SGSM1: variants seen among roughly 807,000 people sequenced by gnomAD.
SGSM1 encodes small G protein signaling modulator 1, also known as RUN and TBC1 domain containing 2.
A neutral mutation model predicts 133.8 loss-of-function variants in SGSM1; 73 were observed. That is an observed-to-expected ratio of 0.55 (90% CI 0.45 to 0.66). SGSM1 has a LOEUF of 0.66. Among genes scored for constraint, SGSM1 ranks in the 30% least tolerant of loss-of-function variants. The probability of loss-of-function intolerance (pLI) is 0.00; values close to 1 mark genes in which losing one functional copy is unlikely to be tolerated. For missense variants in SGSM1, 1,213 were observed against 1,448.1 expected (o/e 0.84, Z 2.64); for synonymous variants, 563 against 573.0 (o/e 0.98, Z 0.25).
At chr22:24,852,742 C>T (rs757636245) in intron 5 of SGSM1, among the ~76,000 whole-genome samples, 7 of 152,104 alleles carry the variant, frequency 4.6e-5, no homozygotes, top group Non-Finnish European at 8.8e-5. Context: ...TGTGCCTGGT[C>T]GTTTTTTATT....
intron 22 of SGSM1, among the ~76,000 whole-genome samples, chr22:24,913,380 C>A (rs1278504143): frequency 6.6e-6 from 1 of 152,004 alleles, no homozygotes; most frequent in Non-Finnish European, 1.5e-5. Flanking sequence ...GAGTTGGGCC[C>A]AGGAGTCTGT....
chr22:24,816,413 C>CTTTT (rs1479240071), intron 2 of SGSM1, among the ~76,000 whole-genome samples: 2 of 116,464 alleles, frequency 1.7e-5, no homozygotes, highest in Non-Finnish European at 3.7e-5. Flanking sequence ...TCTTTTTTTT[C>CTTTT]TTTCTTTTTT....
rs183832332 is a variant in SGSM1, at chr22:24,839,125, G to A, written c.64-5772G>A. ...AGCTGGAGTGCAGTAGTGTGATCAT[G>A]GCTCACTGCAGCCTCAACCTCCTGG... On this transcript the variant is annotated intron_variant, in intron 2 of 24. Transcript: ENST00000400358. Among the ~76,000 whole-genome samples, 461 of 152,218 alleles carry A rather than the reference G, an allele frequency of 3.0e-3. 12 individuals are homozygous for A. The highest frequency in any genetic ancestry group is 0.028 in the Admixed American group (434 of 15,270).
At chr22:24,897,284 G>A (rs952670949) in intron 18 of SGSM1, among the ~76,000 whole-genome samples, 2 of 152,074 alleles carry the variant, frequency 1.3e-5, no homozygotes, top group East Asian at 1.9e-4. Context: ...GGAGGCTGAG[G>A]CAGGAGAATC....
intron 2 of SGSM1, among the ~76,000 whole-genome samples, chr22:24,812,475 A>G (rs1927810317): frequency 6.6e-6 from 1 of 152,132 alleles, no homozygotes; most frequent in South Asian, 2.1e-4. Context: ...CTTGGCTTAC[A>G]GTGGGCAGTG....
chr22:24,895,312 C>G (rs760275380), intron 18 of SGSM1, 21 bp downstream of exon 18: 1 of 1,601,786 alleles, frequency 6.2e-7, no homozygotes, highest in East Asian at 2.3e-5. Flanking sequence ...GGAGGCCTCG[C>G]CCCCTCCCAC....
At chr22:24,918,610 C>A (rs2123746954) in intron 23 of SGSM1, among the ~76,000 whole-genome samples, 1 of 152,226 alleles carries the variant, frequency 6.6e-6, no homozygotes, top group Middle Eastern at 3.4e-3. Flanking sequence ...AGCCCACTTA[C>A]AGATGAGGAA....
At position 24,867,070 on chromosome 22, in the gene SGSM1, C is replaced by T. The variant is rs201600391; in HGVS notation, c.927-23C>T. ...GTGGGGTAGGCAGAAGTCCTGCAAG[C>T]CTGACCCTCCGTCCGCTTCCAGCGT... On this transcript the variant is annotated intron_variant, in intron 9 of 24. Transcript: ENST00000400358. The T allele has an allele frequency of 4.3e-6, 7 of 1,611,624 alleles. No individual in the cohort carries two copies. In the East Asian group the frequency reaches 1.1e-4, roughly 26 times the overall value.
intron 22 of SGSM1, 40 bp from the exon 23 acceptor site, chr22:24,917,618 T>C: frequency 1.3e-6 from 2 of 1,526,406 alleles, no homozygotes; most frequent in Non-Finnish European, 1.8e-6. Context: ...TGCTCCAACC[T>C]TTTCCCAGGA....
intron 14 of SGSM1, among the ~76,000 whole-genome samples, chr22:24,882,738 A>G (rs950611047): frequency 2.0e-5 from 3 of 152,100 alleles, no homozygotes; most frequent in African/African-American, 7.2e-5. Flanking sequence ...TTTAGATCCC[A>G]TTATAAGTAA....
At chr22:24,855,992 C>G (rs1476346413) in intron 8 of SGSM1, 2 of 520,084 alleles carry the variant, frequency 3.8e-6, no homozygotes, top group African/African-American at 1.9e-5. Flanking sequence ...TTTACATTCA[C>G]CCATCCACCC....
chr22:24,808,589 G>A (rs751829561), intron 2 of SGSM1, among the ~76,000 whole-genome samples: 1 of 152,310 alleles, frequency 6.6e-6, no homozygotes, highest in African/African-American at 2.4e-5. Context: ...TAAGGCAATG[G>A]TTGGTTGAAT....
chr22:24,859,669 A>G, intron 8 of SGSM1, 47 bp from the exon 9 acceptor site: 1 of 1,611,620 alleles, frequency 6.2e-7, no homozygotes, highest in South Asian at 1.1e-5. Context: ...CTATGTCCAC[A>G]GCAACTCCAG....
chr22:24,906,144 C>A (rs1933369698), intron 21 of SGSM1, among the ~76,000 whole-genome samples: 1 of 152,048 alleles, frequency 6.6e-6, no homozygotes, highest in African/African-American at 2.4e-5. Context: ...CACTACATTA[C>A]TAAAATAAAG....
intron 2 of SGSM1, among the ~76,000 whole-genome samples, chr22:24,807,468 G>A (rs1452433598): frequency 6.6e-6 from 1 of 152,032 alleles, no homozygotes; most frequent in Non-Finnish European, 1.5e-5. Flanking sequence ...GATGCTGTGA[G>A]TGTGTGTGTG....
chr22:24,845,757 G>A (rs946938578), intron 3 of SGSM1, among the ~76,000 whole-genome samples: 3 of 151,998 alleles, frequency 2.0e-5, no homozygotes, highest in African/African-American at 4.8e-5. Context: ...CTGAGCACAC[G>A]CTGTGACCCG....
intron 2 of SGSM1, among the ~76,000 whole-genome samples, chr22:24,830,357 G>GCAGC (rs1929044478): frequency 6.6e-6 from 1 of 152,174 alleles, no homozygotes; most frequent in Admixed American, 6.5e-5. Flanking sequence ...TAAGAAGGTT[G>GCAGC]CAGCCAGCTT....
chr22:24,818,757 A>C (rs746653434), intron 2 of SGSM1, among the ~76,000 whole-genome samples: 1 of 152,144 alleles, frequency 6.6e-6, no homozygotes, highest in Admixed American at 6.5e-5. Flanking sequence ...TACAGAGATG[A>C]TTGCAATACG....
chr22:24,918,158 A>G (rs1415864774), intron 23 of SGSM1, among the ~76,000 whole-genome samples: 1 of 152,188 alleles, frequency 6.6e-6, no homozygotes, highest in African/African-American at 2.4e-5. Flanking sequence ...AGTGATGTAT[A>G]ACACAGTACC....
Sources: allele counts gnomAD v4.1 joint callset (sites outside exome capture counted in the v4.1 genomes callset), GRCh38; gene constraint gnomAD v4.1.1; transcripts MANE v1.5; gene names NCBI Gene and HGNC (gene_info 2026-07-23, HGNC 2026-07-21).